Variants in TBC1D5 observed in about 807,000 individuals in gnomAD.
TBC1D5 encodes the protein TBC1 domain family, member 5.
TBC1D5 carries 75 observed loss-of-function variants against 100.3 expected under a neutral mutation model. That is an observed-to-expected ratio of 0.75 (90% CI 0.62 to 0.91). The LOEUF is 0.91. Ranked by LOEUF, TBC1D5 falls within the 40% of genes least tolerant of loss-of-function variation. The pLI is 0.00. For synonymous variants in TBC1D5, 323 were observed against 325.6 expected, an observed-to-expected ratio of 0.99 and a Z score of 0.09; for missense variants, 910 against 942.4, an observed-to-expected ratio of 0.97 and a Z score of 0.45.
intron 3 of TBC1D5, among the ~76,000 whole-genome samples, chr3:17,445,652 T>C (rs937672786): frequency 6.6e-6 from 1 of 152,234 alleles, no homozygotes; most frequent in African/African-American, 2.4e-5. Context: ...ACTTAACTTT[T>C]ATTATGTGAT....
chr3:17,525,008 T>C (rs913430912), intron 2 of TBC1D5, among the ~76,000 whole-genome samples: 1 of 152,200 alleles, frequency 6.6e-6, no homozygotes, highest in Admixed American at 6.5e-5. Flanking sequence ...CCCATTATTT[T>C]ATAAAAATAT....
chr3:17,458,427 G>A (rs1248075544), intron 3 of TBC1D5, among the ~76,000 whole-genome samples: 2 of 152,132 alleles, frequency 1.3e-5, no homozygotes, highest in Non-Finnish European at 2.9e-5. Flanking sequence ...ACCACGGAGG[G>A]CATTTTCTTT....
In TBC1D5 at chr3:17,719,738, A is replaced by G. The variant is rs1054374512; in HGVS notation, c.-101+19605T>C. On this transcript the variant is annotated intron_variant, in intron 1 of 21. Transcript: ENST00000253692. ...ACAGAGGCTCACTCAAACTTAACCT[A>G]TAATTTTTCACATAGTACATTCACT... Among the ~76,000 whole-genome samples, 3 of 152,336 alleles carry G rather than the reference A, an allele frequency of 2.0e-5. 1 individual carries two copies. The highest frequency in any genetic ancestry group is 4.1e-4 in the South Asian group (2 of 4,832).
chr3:17,159,829 T>C (rs923142190), exon 22 of TBC1D5: 1 of 152,156 alleles, frequency 6.6e-6, no homozygotes, highest in African/African-American at 2.4e-5. Flanking sequence ...AGGGAAGGGG[T>C]TGTGTAGAAA....
Position 17,455,508 on chromosome 3 carries a change from G to A in TBC1D5, c.98-26989C>T, listed in dbSNP as rs910769120. ...TATATATGTGTATATATATATGTGT[G>A]TGTGTATATATATATATATATATGT... On this transcript the variant is annotated intron_variant, in intron 3 of 21. Transcript: ENST00000253692. 1.1e-4 allele frequency among the ~76,000 whole-genome samples: 14 copies of A among 126,246 alleles called. No individual in the cohort carries two copies. The South Asian group carries it at 1.9e-3, about 17-fold the overall frequency. 82.8% of individuals were successfully genotyped at this position (126,246 alleles called of 152,430 possible).
intron 3 of TBC1D5, among the ~76,000 whole-genome samples, chr3:17,478,861 T>C (rs1311838025): frequency 1.3e-5 from 2 of 152,160 alleles, no homozygotes; most frequent in Non-Finnish European, 2.9e-5. Context: ...AGTGACACAA[T>C]CTTAGATCAT....
intron 1 of TBC1D5, among the ~76,000 whole-genome samples, chr3:17,676,860 C>T (rs575675428): frequency 2.8e-4 from 42 of 152,266 alleles, no homozygotes; most frequent in African/African-American, 9.4e-4. Flanking sequence ...CATCTACAAC[C>T]ATCTGATCTT....
chr3:17,453,059 C>T (rs954275262), intron 3 of TBC1D5, among the ~76,000 whole-genome samples: 5 of 146,668 alleles, frequency 3.4e-5, no homozygotes, highest in African/African-American at 1.3e-4. Flanking sequence ...TCCAGAAAGA[C>T]CAGCAGGTCA....
intron 13 of TBC1D5, among the ~76,000 whole-genome samples, chr3:17,344,538 A>C (rs1410133960): frequency 2.6e-5 from 4 of 151,962 alleles, no homozygotes; most frequent in Non-Finnish European, 5.9e-5. Context: ...GCTACCAATG[A>C]CTTTCTTCAC....
chr3:17,343,361 C>T (rs1268710276), intron 13 of TBC1D5, among the ~76,000 whole-genome samples: 5 of 151,936 alleles, frequency 3.3e-5, no homozygotes, highest in African/African-American at 7.3e-5. Context: ...CTGCTGGATT[C>T]GGTTTGCCAG....
At chr3:17,304,530 C>T (rs183665336) in intron 14 of TBC1D5, among the ~76,000 whole-genome samples, 93 of 152,196 alleles carry the variant, frequency 6.1e-4, no homozygotes, top group Non-Finnish European at 1.3e-3. Context: ...ACCTCAGCCT[C>T]GTGAGTAGCT....
chr3:17,184,405 T>C (rs533285727), intron 19 of TBC1D5, among the ~76,000 whole-genome samples: 8 of 152,332 alleles, frequency 5.3e-5, no homozygotes, highest in Non-Finnish European at 8.8e-5. Flanking sequence ...CACAGCAATA[T>C]AGCTGATTAT....
At chr3:17,348,326 A>G (rs1014979835) in intron 13 of TBC1D5, among the ~76,000 whole-genome samples, 1 of 152,198 alleles carries the variant, frequency 6.6e-6, no homozygotes, top group Non-Finnish European at 1.5e-5. Context: ...TAATATATTA[A>G]GCAAGCGATT....
At chr3:17,643,721 G>A (rs17200881) in intron 1 of TBC1D5, among the ~76,000 whole-genome samples, 2,524 of 152,158 alleles carry the variant, frequency 0.017, 54 homozygotes, top group South Asian at 0.048. Flanking sequence ...CCCTGAATCC[G>A]ATGTCTAGCA....
rs191813763 is a variant in TBC1D5, at chr3:17,327,158, T to C, written c.996-19024A>G. ...ATGGCCTAATACCACTACTGTTATA[T>C]TATGGCAGTAACAAAAACAGACAAA... On this transcript the variant is annotated intron_variant, in intron 13 of 21. Coordinates refer to ENST00000253692, the Ensembl canonical transcript of TBC1D5. 7.7e-3 allele frequency among the ~76,000 whole-genome samples: 1,172 copies of C among 152,324 alleles called. 7 individuals are homozygous for C. Among genetic ancestry groups the C allele is most frequent in the Middle Eastern group, 0.017 (5 of 294 alleles).
At chr3:17,160,252 T>C (rs890009441) in exon 22 of TBC1D5, 3 of 152,212 alleles carry the variant, frequency 2.0e-5, no homozygotes, top group East Asian at 1.9e-4. Context: ...GGCCTAAGGA[T>C]TGGAGATGCA....
exon 12 of TBC1D5, chr3:17,374,527 G>C: frequency 1.2e-6 from 2 of 1,612,006 alleles, no homozygotes; most frequent in Non-Finnish European, 1.7e-6. Flanking sequence ...TCCATAAGTT[G>C]TGAGAACACT....
intron 15 of TBC1D5, among the ~76,000 whole-genome samples, chr3:17,262,568 AC>A: frequency 7.5e-6 from 1 of 132,548 alleles, no homozygotes; most frequent in East Asian, 2.2e-4. Context: ...TGCAAGCTCC[AC>A]CTCCCAGGTT....
chr3:17,635,446 C>T (rs540778448), intron 1 of TBC1D5, among the ~76,000 whole-genome samples: 6 of 152,104 alleles, frequency 3.9e-5, no homozygotes, highest in South Asian at 2.1e-4. Flanking sequence ...TTTGGGAGGC[C>T]GAGGCAGGTG....
Sources: allele counts gnomAD v4.1 joint callset (sites outside exome capture counted in the v4.1 genomes callset), GRCh38; gene constraint gnomAD v4.1.1; transcripts MANE v1.5; gene names NCBI Gene and HGNC (gene_info 2026-07-23, HGNC 2026-07-21).